The following SLC38A8 variants were observed in gnomAD, a reference collection of about 807,000 sequenced individuals.
SLC38A8 encodes the protein solute carrier family 38 member 8, also known as amino acid transporter SLC38A8.
A neutral mutation model predicts 46.0 loss-of-function variants in SLC38A8; 65 were observed. The ratio of observed to expected loss-of-function variants is 1.41; its 90% CI spans 1.16 to 1.74. The LOEUF (loss-of-function observed/expected upper bound fraction) is 1.74, where lower values mean the gene tolerates loss of function less well. Ranked by LOEUF, SLC38A8 falls within the 40% of genes most tolerant of loss-of-function variation. The pLI, the probability that SLC38A8 is intolerant of heterozygous loss-of-function variation, is 0.00. For missense variants in SLC38A8, 998 were observed against 567.9 expected (o/e 1.76, Z -7.70); for synonymous variants, 447 against 243.7 (o/e 1.83, Z -7.77).
rs374728450 is a variant in SLC38A8, at chr16:84,031,945, C to A, written c.554G>T (p.Cys185Phe). The change falls in exon 5 of 11, where the codon TGT becomes TTT. Residue 185 changes from cysteine to phenylalanine, a missense_variant. Physicochemically the swap from Cys to Phe is radical, Grantham distance 205. Transcript: ENST00000299709. ...YTSILGTLAACYLALVITVQY... is the reference protein window; with the variant it reads ...YTSILGTLAAFYLALVITVQY... The stretch of plus-strand genomic sequence containing the variant: ...CACGGTGATGACCAGGGCCAGGTAA[C>A]AGGCAGCCAGAGTGCCTAGGATGCT... 3.7e-6 allele frequency: 6 copies of A among 1,614,212 alleles called. 1 individual carries two copies. The South Asian group carries it at 6.6e-5, about 18-fold the overall frequency.
upstream of SLC38A8, among the ~76,000 whole-genome samples, chr16:84,043,190 A>G (rs2085386290): frequency 6.6e-6 from 1 of 152,186 alleles, no homozygotes; most frequent in Non-Finnish European, 1.5e-5. Context: ...GGGCTTGTTG[A>G]ACGCTTGGGG....
At chr16:84,033,858 G>T (rs147855907) in intron 3 of SLC38A8, among the ~76,000 whole-genome samples, 12 of 152,224 alleles carry the variant, frequency 7.9e-5, no homozygotes, top group Non-Finnish European at 1.2e-4. Context: ...CCACCGTGCC[G>T]TCAGCAACAG....
intron 2 of SLC38A8, among the ~76,000 whole-genome samples, chr16:84,041,679 G>C (rs939135984): frequency 3.9e-5 from 6 of 152,174 alleles, no homozygotes; most frequent in African/African-American, 1.4e-4. Context: ...GGCGCCCAGA[G>C]AGGTTCCTTC....
rs188751722 is a variant in SLC38A8 at position 84,031,109 on chromosome 16, C to A, written c.632+758G>T. Reference sequence around the variant, plus strand: ...AGGCTGGAGTGCAGTGGTATCATCTCGGCTCACTGCAACCTCTGCCACCCG... The same window carrying A: ...AGGCTGGAGTGCAGTGGTATCATCTAGGCTCACTGCAACCTCTGCCACCCG... On this transcript the variant is annotated intron_variant, in intron 5 of 10. Transcript: ENST00000299709. Among the ~76,000 whole-genome samples, 582 of 152,206 alleles carry A rather than the reference C, an allele frequency of 3.8e-3. 2 individuals carry two copies. Among genetic ancestry groups the A allele is most frequent in the Non-Finnish European group, 5.9e-3 (401 of 68,000 alleles).
chr16:84,018,119 T>C (rs2085052590), intron 7 of SLC38A8, among the ~76,000 whole-genome samples: 1 of 152,072 alleles, frequency 6.6e-6, no homozygotes, highest in African/African-American at 2.4e-5. Context: ...AAGTCCAAGA[T>C]TGAGTGCCCA....
intron 4 of SLC38A8, 76 bp from the exon 5 acceptor site, chr16:84,032,044 T>G: frequency 7.9e-7 from 1 of 1,260,800 alleles, no homozygotes; most frequent in South Asian, 1.2e-5. Flanking sequence ...TAGTGGGATC[T>G]GAATCCCAGC....
chr16:84,042,460 C>G, intron 1 of SLC38A8, 91 bp downstream of exon 1: 1 of 285,936 alleles, frequency 3.5e-6, no homozygotes, highest in Non-Finnish European at 6.5e-6. Flanking sequence ...CTTCCTCATC[C>G]CCATCAATCC....
intron 5 of SLC38A8, among the ~76,000 whole-genome samples, chr16:84,030,136 G>A (rs993042830): frequency 1.3e-5 from 2 of 152,190 alleles, no homozygotes; most frequent in African/African-American, 4.8e-5. Context: ...AAAACAGACA[G>A]AGAGAACATG....
chr16:84,029,497 A>C lies in SLC38A8; in HGVS notation c.687T>G (p.Phe229Leu). 6.2e-7 allele frequency: 1 copy of C among 1,614,070 alleles called. No individual in the cohort carries two copies. The highest frequency in any genetic ancestry group is 1.3e-5 in the African/African-American group (1 of 75,040). ...GCAACACAGATGCTAAAATTACCTG[A>C]AACCCGAAGCAGATGGTGGGGAAGA... is the stretch of plus-strand genomic sequence containing the variant. ...FSVFPTICFG[F>L]QCHEAAVSIY... Residue 229 changes from phenylalanine (F) to leucine (L), a missense_variant, in exon 6 of 11, where the codon TTT (phenylalanine) becomes TTG (leucine). Coordinates refer to ENST00000299709, the MANE Select transcript of SLC38A8 (RefSeq NM_001080442.3).
At position 84,033,889 on chromosome 16, in the gene SLC38A8, T is replaced by G. The variant is rs553846885; in HGVS notation, c.389-420A>C. Among the ~76,000 whole-genome samples the G allele has an allele frequency of 2.6e-5, 4 of 152,312 alleles. No homozygotes were observed. In the South Asian group the frequency reaches 8.3e-4, roughly 32 times the overall value. ...AACAGGCTGCTGTGCATGAGCATTGTAGGTCCTCATGGTTGCAGCAGAACA... is the reference window on the plus strand; with the variant it reads ...AACAGGCTGCTGTGCATGAGCATTGGAGGTCCTCATGGTTGCAGCAGAACA... On this transcript the variant is annotated intron_variant, in intron 3 of 10. Transcript: ENST00000299709.
chr16:84,031,131 C>T (rs2085233490), intron 5 of SLC38A8, among the ~76,000 whole-genome samples: 2 of 152,148 alleles, frequency 1.3e-5, no homozygotes, highest in South Asian at 4.1e-4. Flanking sequence ...ACCTCTGCCA[C>T]CCGGTTCAAG....
rs193159155 is a variant in SLC38A8 at position 84,033,052 on chromosome 16, T to A, written c.530+276A>T. On this transcript the variant is annotated intron_variant, in intron 4 of 10. Transcript: ENST00000299709. ...TGTGGGTGTGGGTAGGTGTGTGTTG[T>A]GGGGAGGCGTCTCTCTCTCTCTGCA... Among the ~76,000 whole-genome samples, 484 of 151,718 alleles carry A rather than the reference T, an allele frequency of 3.2e-3. 7 individuals are homozygous for A. The highest frequency in any genetic ancestry group is 0.011 in the African/African-American group (466 of 41,298).
chr16:84,036,970 TC>T, intron 2 of SLC38A8, 70 bp from the exon 3 acceptor site: 1 of 1,324,602 alleles, frequency 7.5e-7, no homozygotes, highest in South Asian at 1.3e-5. Flanking sequence ...CAGCCACCCC[TC>T]GGGCACACTC....
At chr16:84,015,061 G>A (rs776261903) in intron 9 of SLC38A8, among the ~76,000 whole-genome samples, 4 of 152,128 alleles carry the variant, frequency 2.6e-5, no homozygotes, top group African/African-American at 4.8e-5. Flanking sequence ...GCATCAGGGT[G>A]TTGGGGATAC....
chr16:84,017,538 G>A (rs556505622), intron 7 of SLC38A8, among the ~76,000 whole-genome samples: 63 of 152,152 alleles, frequency 4.1e-4, no homozygotes, highest in Non-Finnish European at 8.8e-5. Flanking sequence ...GCTGGTGCAC[G>A]GAGCTCACCC....
In SLC38A8 at chr16:84,042,722, G is replaced by A. The variant is rs140318540; in HGVS notation, c.-174C>T. The A allele has an allele frequency of 6.5e-6, 1 of 153,206 alleles. No homozygotes were observed. The highest frequency in any genetic ancestry group is 2.0e-4 in the South Asian group (1 of 4,890). The allele number at this position is 153,206 out of a possible 1,614,324, so 9.5% of individuals were successfully genotyped here. ...TAACTAAAGGAGCCCTAGCGAGTAT[G>A]TGTCAGGGTCAGGCCCCTCCACACC... is the stretch of plus-strand genomic sequence containing the variant. On this transcript the variant is annotated 5_prime_UTR_variant, in exon 1 of 11. Coordinates refer to ENST00000299709, the MANE Select transcript of SLC38A8 (RefSeq NM_001080442.3).
chr16:84,035,078 ACAGT>A (rs923733626), intron 3 of SLC38A8, among the ~76,000 whole-genome samples: 2 of 152,232 alleles, frequency 1.3e-5, no homozygotes, highest in Admixed American at 1.3e-4. Flanking sequence ...TCTCTCCACC[ACAGT>A]CAATCAACCC....
upstream of SLC38A8, among the ~76,000 whole-genome samples, chr16:84,042,902 G>C (rs1276678760): frequency 1.3e-5 from 2 of 152,200 alleles, no homozygotes; most frequent in African/African-American, 4.8e-5. Context: ...CTGCCCTGGA[G>C]GGTGACAGGG....
chr16:84,011,845 C>G (rs545180630), intron 10 of SLC38A8, among the ~76,000 whole-genome samples: 19 of 152,278 alleles, frequency 1.2e-4, no homozygotes, highest in African/African-American at 4.3e-4. Flanking sequence ...AATTACGCCA[C>G]TGCACTCCAG....
Sources: gnomAD v4.1 joint callset for allele counts (sites outside exome capture counted in the v4.1 genomes callset) on GRCh38, gnomAD v4.1.1 for gene constraint, MANE v1.5 for transcripts, NCBI Gene and HGNC (gene_info 2026-07-23, HGNC 2026-07-21) for gene names.